The following CDH13 variants were observed in gnomAD, a reference collection of about 807,000 sequenced individuals.
The protein encoded by CDH13 is cadherin-13.
In CDH13, 24 loss-of-function variants were observed where a neutral mutation model predicts 63.8. That is an observed-to-expected ratio of 0.38 (90% CI 0.27 to 0.53). The LOEUF (loss-of-function observed/expected upper bound fraction) is 0.53, where lower values mean the gene tolerates loss of function less well. Among genes scored for constraint, CDH13 ranks in the 20% least tolerant of loss-of-function variants. CDH13 has a pLI of 0.85. For synonymous variants in CDH13, 503 were observed against 355.3 expected (o/e 1.42, Z -4.67); for missense variants, 1,049 against 903.1 (o/e 1.16, Z -2.07).
At chr16:82,830,975 T>C (rs920067448) in intron 1 of CDH13, among the ~76,000 whole-genome samples, 3 of 152,160 alleles carry the variant, frequency 2.0e-5, no homozygotes, top group Non-Finnish European at 2.9e-5. Flanking sequence ...GCTTAGCAAA[T>C]CTTCCGCAGA....
At chr16:83,390,188 A>AG (rs145963601) in intron 6 of CDH13, among the ~76,000 whole-genome samples, 16,510 of 152,198 alleles carry the variant, frequency 0.11, 1,166 homozygotes, top group Non-Finnish European at 0.16. Context: ...GAAACACTCA[A>AG]TTTCATCGAA....
intron 2 of CDH13, among the ~76,000 whole-genome samples, chr16:82,920,639 G>A (rs1412717912): frequency 1.3e-5 from 2 of 152,190 alleles, no homozygotes; most frequent in African/African-American, 4.8e-5. Context: ...TGTGGATGGT[G>A]CTGGTCAGAG....
At chr16:83,112,031 A>G (rs2035081168) in intron 3 of CDH13, among the ~76,000 whole-genome samples, 1 of 152,190 alleles carries the variant, frequency 6.6e-6, no homozygotes. Context: ...AACTTTGGAG[A>G]AAAAAGTTTC....
At chr16:82,942,000 C>T (rs1904293238) in intron 2 of CDH13, among the ~76,000 whole-genome samples, 1 of 152,156 alleles carries the variant, frequency 6.6e-6, no homozygotes, top group Admixed American at 6.5e-5. Flanking sequence ...TCTTGTCTTT[C>T]ACTTTCTTAA....
chr16:83,310,940 C>G (rs1469363791), intron 5 of CDH13, among the ~76,000 whole-genome samples: 1 of 152,212 alleles, frequency 6.6e-6, no homozygotes, highest in African/African-American at 2.4e-5. Context: ...CCCAATCCAC[C>G]TGACAGGAAG....
At chr16:82,728,099 G>A (rs57669725) in intron 1 of CDH13, among the ~76,000 whole-genome samples, 1 of 152,058 alleles carries the variant, frequency 6.6e-6, no homozygotes, top group Admixed American at 6.6e-5. Flanking sequence ...TTATTTATAG[G>A]GCTGCTGTGA....
intron 5 of CDH13, among the ~76,000 whole-genome samples, chr16:83,245,103 T>C (rs545144277): frequency 2.8e-4 from 40 of 144,832 alleles, no homozygotes; most frequent in African/African-American, 9.9e-4. Context: ...TGTTGGCTCT[T>C]TTCTGGATAG....
At chr16:82,936,039 C>T (rs1390052407) in intron 2 of CDH13, among the ~76,000 whole-genome samples, 1 of 152,080 alleles carries the variant, frequency 6.6e-6, no homozygotes, top group Non-Finnish European at 1.5e-5. Flanking sequence ...AGGCTGGTCA[C>T]CCCACCCTAA....
chr16:83,691,101 TG>T (rs1904824989), intron 10 of CDH13, among the ~76,000 whole-genome samples: 1 of 139,118 alleles, frequency 7.2e-6, no homozygotes, highest in Non-Finnish European at 1.5e-5. Flanking sequence ...TGTGTGTGTG[TG>T]TGTGTGTGTG....
chr16:82,866,377 C>CTTTTTTTTTTTTTTTTTTT (rs538206338), intron 2 of CDH13, among the ~76,000 whole-genome samples: 18 of 58,300 alleles, frequency 3.1e-4, no homozygotes, highest in Admixed American at 8.0e-4. Flanking sequence ...TTTTCTTCTT[C>CTTTTTTTTTTTTTTTTTTT]TTTTTTTTTT....
intron 8 of CDH13, among the ~76,000 whole-genome samples, chr16:83,634,827 C>T (rs572532707): frequency 6.6e-6 from 1 of 152,338 alleles, no homozygotes; most frequent in South Asian, 2.1e-4. Context: ...GTTCGTTGAA[C>T]CATTCACCCA....
At chr16:82,778,504 G>A (rs762328003) in intron 1 of CDH13, among the ~76,000 whole-genome samples, 1 of 137,620 alleles carries the variant, frequency 7.3e-6, no homozygotes, top group African/African-American at 2.7e-5. Context: ...ACTCATTGAT[G>A]ATGCAAACTT....
At chr16:82,950,373 C>G (rs941049727) in intron 2 of CDH13, among the ~76,000 whole-genome samples, 2 of 152,152 alleles carry the variant, frequency 1.3e-5, no homozygotes, top group African/African-American at 4.8e-5. Context: ...TGTCCCCACC[C>G]AAATCTCATC....
intron 1 of CDH13, among the ~76,000 whole-genome samples, chr16:82,756,781 C>T (rs773287127): frequency 1.3e-5 from 2 of 152,250 alleles, no homozygotes; most frequent in East Asian, 1.9e-4. Flanking sequence ...ATTATGCTTT[C>T]GTGAGCTCCT....
intron 1 of CDH13, among the ~76,000 whole-genome samples, chr16:82,674,478 T>A (rs1432554116): frequency 2.0e-5 from 3 of 152,242 alleles, no homozygotes; most frequent in Non-Finnish European, 4.4e-5. Context: ...TCTGTCTCCA[T>A]GATATCAAAC....
chr16:83,070,133 T>C (rs1247342844), intron 3 of CDH13, among the ~76,000 whole-genome samples: 1 of 152,208 alleles, frequency 6.6e-6, no homozygotes, highest in Non-Finnish European at 1.5e-5. Context: ...GCATGCTTAT[T>C]AAGAAATTCT....
intron 2 of CDH13, among the ~76,000 whole-genome samples, chr16:82,927,808 A>G (rs1166966595): frequency 6.6e-6 from 1 of 152,202 alleles, no homozygotes; most frequent in Non-Finnish European, 1.5e-5. Context: ...GCCGATCATC[A>G]ACAATGTACT....
chr16:83,007,714 C>T (rs767770841), intron 2 of CDH13, among the ~76,000 whole-genome samples: 32 of 151,488 alleles, frequency 2.1e-4, no homozygotes, highest in South Asian at 1.0e-3. Context: ...GTCCCAGTAA[C>T]TTGGGAGGCT....
intron 6 of CDH13, among the ~76,000 whole-genome samples, chr16:83,366,050 T>C (rs79686778): frequency 0.016 from 2,392 of 152,318 alleles, 65 homozygotes; most frequent in African/African-American, 0.054. Context: ...TAATTTATGA[T>C]AATTTTTTAC....
Sources: allele counts gnomAD v4.1 joint callset (sites outside exome capture counted in the v4.1 genomes callset), GRCh38; gene constraint gnomAD v4.1.1; transcripts MANE v1.5; gene names NCBI Gene and HGNC (gene_info 2026-07-23, HGNC 2026-07-21).